GABRG3: variants seen among roughly 807,000 people sequenced by gnomAD.
GABRG3 encodes the protein gamma-aminobutyric acid type A receptor subunit gamma3, also known as gamma-aminobutyric acid receptor subunit gamma-3.
Under a neutral mutation model 48.8 loss-of-function variants are expected in GABRG3, and 25 were observed. The ratio of observed to expected loss-of-function variants is 0.51; its 90% CI spans 0.37 to 0.72. The LOEUF is 0.72. Ranked by LOEUF, GABRG3 falls within the 30% of genes least tolerant of loss-of-function variation. The pLI, the probability that GABRG3 is intolerant of heterozygous loss-of-function variation, is 0.00. For synonymous variants in GABRG3, 227 were observed against 217.6 expected (o/e 1.04, Z -0.38); for missense variants, 394 against 577.9 (o/e 0.68, Z 3.26).
chr15:27,468,004 G>T (rs1056910529), intron 5 of GABRG3, among the ~76,000 whole-genome samples: 34 of 152,144 alleles, frequency 2.2e-4, no homozygotes, highest in Non-Finnish European at 4.9e-4. Flanking sequence ...CTTCTCCAGG[G>T]TATCCACAGT....
chr15:27,099,488 G>A lies in GABRG3; in HGVS notation c.270+72667G>A, dbSNP rs555117737. 9.2e-5 allele frequency among the ~76,000 whole-genome samples: 14 copies of A among 152,060 alleles called. No homozygotes were observed. In the South Asian group the frequency reaches 2.9e-3, roughly 32 times the overall value. On this transcript the variant is annotated intron_variant, in intron 3 of 9. Coordinates refer to ENST00000615808, the MANE Select transcript of GABRG3 (RefSeq NM_033223.5). Reference sequence around the variant, plus strand: ...TTCTCTTCTTATGATTTTTCTTTTTGTATTAGATTAGAACCTACTGTAATA... The same window carrying A: ...TTCTCTTCTTATGATTTTTCTTTTTATATTAGATTAGAACCTACTGTAATA...
At chr15:27,091,008 C>T (rs913560258) in intron 3 of GABRG3, among the ~76,000 whole-genome samples, 29 of 152,104 alleles carry the variant, frequency 1.9e-4, no homozygotes, top group Admixed American at 1.4e-3. Flanking sequence ...TTTTTCTTGC[C>T]TAATTGCTCT....
At chr15:27,132,163 T>G (rs2140383475) in intron 3 of GABRG3, among the ~76,000 whole-genome samples, 1 of 152,214 alleles carries the variant, frequency 6.6e-6, no homozygotes, top group Admixed American at 6.5e-5. Flanking sequence ...TATTTTTGCT[T>G]TTATTGCCTG....
chr15:27,104,860 A>G (rs1897422951), intron 3 of GABRG3, among the ~76,000 whole-genome samples: 1 of 152,244 alleles, frequency 6.6e-6, no homozygotes, highest in Non-Finnish European at 1.5e-5. Flanking sequence ...AAGAATTGAG[A>G]GAACCAGAGG....
At chr15:27,272,194 G>C (rs971920350) in intron 3 of GABRG3, among the ~76,000 whole-genome samples, 4 of 152,216 alleles carry the variant, frequency 2.6e-5, no homozygotes, top group Non-Finnish European at 4.4e-5. Flanking sequence ...GGGTAACTAG[G>C]TGTTTCCTTG....
At chr15:27,090,800 TCA>T (rs1897171589) in intron 3 of GABRG3, among the ~76,000 whole-genome samples, 4 of 152,338 alleles carry the variant, frequency 2.6e-5, no homozygotes, top group African/African-American at 9.6e-5. Flanking sequence ...TGTTTCCTCT[TCA>T]GGCTTTTTAT....
intron 2 of GABRG3, among the ~76,000 whole-genome samples, chr15:27,003,173 ATTT>A (rs915241973): frequency 6.7e-6 from 1 of 148,526 alleles, no homozygotes; most frequent in Admixed American, 6.7e-5. Context: ...TTTATTTTTT[ATTT>A]TTTTTAATTT....
chr15:27,232,997 G>A (rs1466875649), intron 3 of GABRG3, among the ~76,000 whole-genome samples: 3 of 152,192 alleles, frequency 2.0e-5, no homozygotes, highest in African/African-American at 7.2e-5. Context: ...GCTGCTGTGG[G>A]CATCAGTCCA....
intron 5 of GABRG3, among the ~76,000 whole-genome samples, chr15:27,430,021 G>C (rs1208752334): frequency 6.6e-6 from 1 of 152,222 alleles, no homozygotes; most frequent in African/African-American, 2.4e-5. Flanking sequence ...GCCATGAGCA[G>C]TGTAAGGGGG....
At chr15:27,226,434 G>A (rs1321996368) in intron 3 of GABRG3, among the ~76,000 whole-genome samples, 1 of 152,186 alleles carries the variant, frequency 6.6e-6, no homozygotes, top group Non-Finnish European at 1.5e-5. Flanking sequence ...GGACCGCAGT[G>A]TCCTCACCCA....
intron 3 of GABRG3, among the ~76,000 whole-genome samples, chr15:27,043,954 TGA>T (rs1271394262): frequency 1.3e-5 from 2 of 152,174 alleles, no homozygotes; most frequent in Admixed American, 6.5e-5. Context: ...GCTGTCGGGC[TGA>T]GAGTCTCAAC....
chr15:27,118,538 C>G (rs1366198313), intron 3 of GABRG3, among the ~76,000 whole-genome samples: 2 of 152,160 alleles, frequency 1.3e-5, no homozygotes, highest in South Asian at 2.1e-4. Flanking sequence ...GTGCATCTGA[C>G]TCGGTTCAAT....
intron 5 of GABRG3, among the ~76,000 whole-genome samples, chr15:27,442,977 T>C (rs1888835799): frequency 6.6e-6 from 1 of 152,182 alleles, no homozygotes; most frequent in Non-Finnish European, 1.5e-5. Flanking sequence ...CACCAGAGCT[T>C]GGCCCTCCCC....
chr15:27,107,095 C>T (rs931923611), intron 3 of GABRG3, among the ~76,000 whole-genome samples: 2 of 152,020 alleles, frequency 1.3e-5, no homozygotes, highest in African/African-American at 2.4e-5. Flanking sequence ...TATTCTTAGT[C>T]TTAGGAGAAA....
At chr15:27,496,638 T>C (rs11074282) in intron 6 of GABRG3, among the ~76,000 whole-genome samples, 65,794 of 152,004 alleles carry the variant, frequency 0.43, 14,599 homozygotes, top group Middle Eastern at 0.52. Flanking sequence ...ATTAGTTTTA[T>C]TTAACTTAGT....
chr15:27,082,712 G>A (rs942514971), intron 3 of GABRG3, among the ~76,000 whole-genome samples: 1 of 152,212 alleles, frequency 6.6e-6, no homozygotes, highest in Admixed American at 6.5e-5. Flanking sequence ...TTTATGAACA[G>A]TAGGATAAGA....
At chr15:27,507,123 A>G (rs987246639) in intron 6 of GABRG3, among the ~76,000 whole-genome samples, 1 of 152,168 alleles carries the variant, frequency 6.6e-6, no homozygotes, top group African/African-American at 2.4e-5. Flanking sequence ...TATTTGGAAA[A>G]CTTCTAGTTA....
chr15:27,046,732 C>T (rs1221934442), intron 3 of GABRG3, among the ~76,000 whole-genome samples: 1 of 152,144 alleles, frequency 6.6e-6, no homozygotes, highest in Non-Finnish European at 1.5e-5. Flanking sequence ...TTTTGGAGGT[C>T]TGAAAATAGG....
intron 3 of GABRG3, among the ~76,000 whole-genome samples, chr15:27,198,054 G>C (rs770302577): frequency 9.2e-5 from 14 of 151,866 alleles, no homozygotes; most frequent in Non-Finnish European, 1.8e-4. Flanking sequence ...CAAAAATCCA[G>C]CTCCTAGGTA....
Sources: allele counts gnomAD v4.1 joint callset (sites outside exome capture counted in the v4.1 genomes callset), GRCh38; gene constraint gnomAD v4.1.1; transcripts MANE v1.5; gene names NCBI Gene and HGNC (gene_info 2026-07-23, HGNC 2026-07-21).